SGCD: variants seen among roughly 807,000 people sequenced by gnomAD.
SGCD encodes the protein delta-sarcoglycan.
A neutral mutation model predicts 36.6 loss-of-function variants in SGCD; 18 were observed. That is an observed-to-expected ratio of 0.49 (90% CI 0.34 to 0.73). The LOEUF (loss-of-function observed/expected upper bound fraction) is 0.73. Ranked by LOEUF, SGCD falls within the 30% of genes least tolerant of loss-of-function variation. SGCD has a pLI of 0.01. For synonymous variants in SGCD, 133 were observed against 130.6 expected, an observed-to-expected ratio of 1.02 and a Z score of -0.12; for missense variants, 387 against 346.7, an observed-to-expected ratio of 1.12 and a Z score of -0.92.
At chr5:156,108,354 A>T (rs541791945) in intron 1 of SGCD, among the ~76,000 whole-genome samples, 3 of 152,284 alleles carry the variant, frequency 2.0e-5, no homozygotes, top group South Asian at 4.1e-4. Flanking sequence ...AGTGGCTAGG[A>T]ACTTTTGTCT....
intron 3 of SGCD, among the ~76,000 whole-genome samples, chr5:156,232,474 C>T (rs1487514037): frequency 1.3e-5 from 2 of 152,180 alleles, no homozygotes; most frequent in Non-Finnish European, 2.9e-5. Flanking sequence ...GTCGAAAACC[C>T]GTCTTATATT....
chr5:156,113,418 A>G (rs941796301), intron 1 of SGCD, among the ~76,000 whole-genome samples: 13 of 152,132 alleles, frequency 8.5e-5, no homozygotes, highest in Non-Finnish European at 1.8e-4. Context: ...TACAGCAAGC[A>G]CTACAAAATT....
chr5:156,487,026 C>T (rs1028154586), intron 3 of SGCD, among the ~76,000 whole-genome samples: 8 of 152,176 alleles, frequency 5.3e-5, no homozygotes, highest in African/African-American at 7.2e-5. Context: ...CCCAAGCACA[C>T]CACCTGGAGG....
intron 3 of SGCD, among the ~76,000 whole-genome samples, chr5:156,260,912 C>T (rs754658264): frequency 2.0e-5 from 3 of 152,072 alleles, no homozygotes; most frequent in African/African-American, 4.8e-5. Context: ...CCTTTCAAAG[C>T]ATCTATGAAG....
intron 1 of SGCD, among the ~76,000 whole-genome samples, chr5:156,043,424 C>T (rs1326430149): frequency 6.6e-6 from 1 of 152,270 alleles, no homozygotes; most frequent in South Asian, 2.1e-4. Context: ...CTTGCATCTC[C>T]AGCAGCAACT....
intron 1 of SGCD, among the ~76,000 whole-genome samples, chr5:155,986,945 C>T (rs746956035): frequency 6.6e-6 from 1 of 152,134 alleles, no homozygotes; most frequent in Non-Finnish European, 1.5e-5. Context: ...GACTGCAAAG[C>T]TCTTATAGAA....
chr5:155,850,853 C>T, the SGCD span, among the ~76,000 whole-genome samples: 1 of 152,300 alleles, frequency 6.6e-6, no homozygotes, highest in East Asian at 1.9e-4. Flanking sequence ...TCAGGGAAGT[C>T]TCAATCTGAT....
chr5:156,169,373 C>T (rs1763290648), intron 3 of SGCD, among the ~76,000 whole-genome samples: 1 of 152,152 alleles, frequency 6.6e-6, no homozygotes, highest in South Asian at 2.1e-4. Flanking sequence ...TTTTTTCTCC[C>T]TTGGGATAGA....
At chr5:156,620,033 A>G (rs1271951822) in intron 6 of SGCD, among the ~76,000 whole-genome samples, 1 of 152,176 alleles carries the variant, frequency 6.6e-6, no homozygotes, top group African/African-American at 2.4e-5. Context: ...AGCAAAATTC[A>G]AAGTTTCTCC....
intron 3 of SGCD, among the ~76,000 whole-genome samples, chr5:156,446,815 G>A (rs569317593): frequency 1.3e-5 from 2 of 152,302 alleles, no homozygotes; most frequent in South Asian, 4.1e-4. Flanking sequence ...CCTCACACTA[G>A]AGCTCAGCTA....
intron 4 of SGCD, among the ~76,000 whole-genome samples, chr5:156,578,901 G>A (rs568011296): frequency 3.9e-5 from 6 of 152,180 alleles, no homozygotes; most frequent in South Asian, 2.1e-4. Context: ...AGGGTTTTTT[G>A]TGTCTCTATG....
At chr5:156,433,261 G>A (rs1167551201) in intron 3 of SGCD, among the ~76,000 whole-genome samples, 1 of 152,152 alleles carries the variant, frequency 6.6e-6, no homozygotes, top group Non-Finnish European at 1.5e-5. Context: ...AATGCTTCCA[G>A]ATGTTGAATT....
chr5:156,376,715 T>C (rs1770689074), intron 3 of SGCD, among the ~76,000 whole-genome samples: 2 of 152,218 alleles, frequency 1.3e-5, no homozygotes, highest in Non-Finnish European at 2.9e-5. Context: ...TAGCCTTAAT[T>C]ATACTTTTTA....
At chr5:156,130,504 T>G (rs1225488756) in intron 3 of SGCD, among the ~76,000 whole-genome samples, 1 of 152,194 alleles carries the variant, frequency 6.6e-6, no homozygotes, top group East Asian at 1.9e-4. Context: ...TAGATTCCAC[T>G]TGTCAATTTT....
chr5:155,737,132 G>A, the SGCD span, among the ~76,000 whole-genome samples: 243 of 152,266 alleles, frequency 1.6e-3, no homozygotes, highest in African/African-American at 5.2e-3. Flanking sequence ...ACTTTACTAG[G>A]TAATATTGTC....
At chr5:156,637,258 C>G (rs1007238926) in intron 6 of SGCD, among the ~76,000 whole-genome samples, 26 of 152,088 alleles carry the variant, frequency 1.7e-4, no homozygotes, top group Non-Finnish European at 3.7e-4. Context: ...GAGTCCTCCC[C>G]CAAGCCATGC....
chr5:155,728,266 G>A, the SGCD span, among the ~76,000 whole-genome samples: 1 of 152,072 alleles, frequency 6.6e-6, no homozygotes, highest in Non-Finnish European at 1.5e-5. Context: ...CGCGCGGGAG[G>A]TGGCGGCCGC....
At chr5:156,324,373 C>G (rs4705003), upstream of SGCD, among the ~76,000 whole-genome samples, 122,050 of 152,118 alleles carry the variant, frequency 0.8, 49,438 homozygotes, top group Middle Eastern at 0.93. Context: ...AGCAAACTAT[C>G]TTCAACAAAT....
chr5:155,917,323 G>A (rs989587589), intron 1 of SGCD, among the ~76,000 whole-genome samples: 6 of 152,038 alleles, frequency 3.9e-5, no homozygotes, highest in Non-Finnish European at 7.4e-5. Context: ...TGTGTTAAAC[G>A]AGGTTGAAGG....
Sources: allele counts gnomAD v4.1 joint callset (sites outside exome capture counted in the v4.1 genomes callset), GRCh38; gene constraint gnomAD v4.1.1; transcripts MANE v1.5; gene names NCBI Gene and HGNC (gene_info 2026-07-23, HGNC 2026-07-21).